Variants in CSMD1 observed in about 807,000 individuals in gnomAD.
CSMD1 encodes the protein CUB and sushi domain-containing protein 1.
Under a neutral mutation model 417.5 loss-of-function variants are expected in CSMD1, and 213 were observed. That is an observed-to-expected ratio of 0.51 (90% CI 0.46 to 0.57). The LOEUF (loss-of-function observed/expected upper bound fraction) is 0.57, where lower values mean the gene tolerates loss of function less well. CSMD1 is among the 20% of genes least tolerant of loss of function. The pLI is 0.00. For missense variants in CSMD1, 6,923 were observed against 4,529.7 expected (o/e 1.53, Z -15.17); for synonymous variants, 2,862 against 1,736.8 (o/e 1.65, Z -16.11).
chr8:3,114,481 T>C (rs911096320), intron 42 of CSMD1, among the ~76,000 whole-genome samples: 1 of 150,684 alleles, frequency 6.6e-6, no homozygotes, highest in Non-Finnish European at 1.5e-5. Flanking sequence ...ATCTTGACTC[T>C]CAATATATCG....
chr8:3,209,396 A>G (rs1178618115), intron 30 of CSMD1, among the ~76,000 whole-genome samples: 1 of 151,936 alleles, frequency 6.6e-6, no homozygotes. Flanking sequence ...GGCTCACTGC[A>G]AGTTCCATCT....
chr8:4,084,936 A>T (rs763633067), intron 3 of CSMD1, among the ~76,000 whole-genome samples: 21 of 152,198 alleles, frequency 1.4e-4, no homozygotes, highest in Non-Finnish European at 2.6e-4. Flanking sequence ...AAAAATTGGT[A>T]ATTTGGGAAA....
intron 1 of CSMD1, among the ~76,000 whole-genome samples, chr8:4,827,954 C>A (rs1005777564): frequency 1.1e-4 from 16 of 152,126 alleles, no homozygotes; most frequent in African/African-American, 3.6e-4. Context: ...CAAAAGTATG[C>A]TGACTAAAAC....
chr8:3,686,184 G>C (rs1409657199), intron 7 of CSMD1, among the ~76,000 whole-genome samples: 1 of 152,032 alleles, frequency 6.6e-6, no homozygotes, highest in African/African-American at 2.4e-5. Context: ...AATTAAGCTT[G>C]GGCTTGTTTC....
At chr8:4,949,458 C>T (rs779757958) in intron 1 of CSMD1, among the ~76,000 whole-genome samples, 1 of 152,140 alleles carries the variant, frequency 6.6e-6, no homozygotes, top group Non-Finnish European at 1.5e-5. Flanking sequence ...GAAAAATATT[C>T]AACCACTGCC....
intron 5 of CSMD1, among the ~76,000 whole-genome samples, chr8:3,886,016 CAT>C (rs890578738): frequency 1.3e-5 from 2 of 151,718 alleles, no homozygotes; most frequent in South Asian, 2.1e-4. Context: ...TATATGTGTA[CAT>C]ATATATACAT....
Position 4,994,527 on chromosome 8 carries a change from C to A in CSMD1, c.-111G>T. 1 of 995,818 alleles carries A rather than the reference C, an allele frequency of 1.0e-6. No homozygotes were observed. The allele number at this position is 995,818 out of a possible 1,614,324, so 61.7% of individuals were successfully genotyped here. On this transcript the variant is annotated 5_prime_UTR_variant, in exon 1 of 70. Coordinates refer to ENST00000635120, the MANE Select transcript of CSMD1 (RefSeq NM_033225.6). Reference sequence around the variant, plus strand: ...GGCAAGGCGAGCCGGAGAGAGAGCCCGGTCCCAAGACCCGCCGCGCATCCG... The same window carrying A: ...GGCAAGGCGAGCCGGAGAGAGAGCCAGGTCCCAAGACCCGCCGCGCATCCG...
chr8:4,433,468 T>C (rs2128948558), intron 2 of CSMD1, among the ~76,000 whole-genome samples: 1 of 152,314 alleles, frequency 6.6e-6, no homozygotes, highest in South Asian at 2.1e-4. Flanking sequence ...GTCAACGCAC[T>C]GGCTATCTGC....
chr8:3,159,118 C>T (rs975598776), intron 38 of CSMD1, among the ~76,000 whole-genome samples: 9 of 152,024 alleles, frequency 5.9e-5, no homozygotes, highest in East Asian at 3.9e-4. Flanking sequence ...CATTCTTCGA[C>T]GCATTAAATT....
chr8:4,758,103 C>G (rs1811788058), intron 1 of CSMD1, among the ~76,000 whole-genome samples: 1 of 152,004 alleles, frequency 6.6e-6, no homozygotes, highest in Non-Finnish European at 1.5e-5. Flanking sequence ...CCACTGAAAC[C>G]AACCAAAGGA....
In CSMD1 at chr8:3,408,095, G is replaced by T. The variant is rs775689730; in HGVS notation, c.1875C>A (p.Ile625=). ...GAGGCTCAACATCAAAATCATTAAA[G>T]ATTAGGTGAATTCGACTTCCTGGCT... The part of the protein sequence containing the change: ...ISEPGSRIHL[I]FNDFDVEPQF... The change falls in exon 14 of 70, where the codon ATC becomes ATA. Residue 625 remains isoleucine, a synonymous_variant. Transcript: ENST00000635120. 6.2e-6 allele frequency: 10 copies of T among 1,613,900 alleles called. No individual in the cohort carries two copies. The highest frequency in any genetic ancestry group is 4.5e-5 in the East Asian group (2 of 44,880).
chr8:4,249,607 A>T (rs1305371945), intron 3 of CSMD1, among the ~76,000 whole-genome samples: 1 of 152,174 alleles, frequency 6.6e-6, no homozygotes, highest in African/African-American at 2.4e-5. Context: ...AATGGTGTTA[A>T]GAAATGTTTT....
chr8:4,566,468 A>G (rs540525845), intron 2 of CSMD1, among the ~76,000 whole-genome samples: 177 of 151,870 alleles, frequency 1.2e-3, no homozygotes, highest in African/African-American at 4.0e-3. Flanking sequence ...CCTGGCTAAC[A>G]AGGTGAAACC....
intron 3 of CSMD1, among the ~76,000 whole-genome samples, chr8:4,113,390 CTTTTTTTTTTT>C (rs59647790): frequency 7.6e-4 from 62 of 81,202 alleles, no homozygotes; most frequent in South Asian, 1.3e-3. Context: ...AATAAAAGGG[CTTTTTTTTTTT>C]TTTTTTTTTT....
At chr8:3,621,716 A>T (rs951194020) in intron 7 of CSMD1, among the ~76,000 whole-genome samples, 12 of 151,888 alleles carry the variant, frequency 7.9e-5, no homozygotes, top group Admixed American at 7.9e-4. Context: ...AATAGCTGCA[A>T]CTACAGGTGC....
chr8:3,539,661 C>T (rs567865016), intron 10 of CSMD1, among the ~76,000 whole-genome samples: 8 of 151,990 alleles, frequency 5.3e-5, no homozygotes, highest in African/African-American at 1.9e-4. Context: ...GTTGGGTGAC[C>T]TTGTCACCCA....
At chr8:3,859,108 G>T (rs537152785) in intron 5 of CSMD1, among the ~76,000 whole-genome samples, 35 of 152,250 alleles carry the variant, frequency 2.3e-4, no homozygotes, top group African/African-American at 8.2e-4. Flanking sequence ...TCAATCAGAA[G>T]CTCTGAGTAC....
At chr8:4,131,533 C>T (rs1023888524) in intron 3 of CSMD1, among the ~76,000 whole-genome samples, 6 of 152,250 alleles carry the variant, frequency 3.9e-5, no homozygotes, top group South Asian at 2.1e-4. Context: ...AATATCAACG[C>T]ATTTTGTCTT....
chr8:4,703,224 T>C (rs1332180036), intron 1 of CSMD1, among the ~76,000 whole-genome samples: 1 of 152,208 alleles, frequency 6.6e-6, no homozygotes, highest in Non-Finnish European at 1.5e-5. Context: ...TCATACAGTG[T>C]AAACCAACGG....
Sources: gnomAD v4.1 joint callset for allele counts (sites outside exome capture counted in the v4.1 genomes callset) on GRCh38, gnomAD v4.1.1 for gene constraint, MANE v1.5 for transcripts, NCBI Gene and HGNC (gene_info 2026-07-23, HGNC 2026-07-21) for gene names.